KCTD8: variants seen among roughly 807,000 people sequenced by gnomAD.
The protein encoded by KCTD8 is potassium channel tetramerization domain containing 8.
In KCTD8, 27 loss-of-function variants were observed where a neutral mutation model predicts 31.5. That is an observed-to-expected ratio of 0.86 (90% CI 0.63 to 1.18). The LOEUF (loss-of-function observed/expected upper bound fraction) is 1.18. Ranked by LOEUF, KCTD8 falls within the 50% of genes most tolerant of loss-of-function variation. KCTD8 has a pLI of 0.00. For synonymous variants in KCTD8, 290 were observed against 280.0 expected, an observed-to-expected ratio of 1.04 and a Z score of -0.36; for missense variants, 658 against 647.7, an observed-to-expected ratio of 1.02 and a Z score of -0.17.
intron 1 of KCTD8, among the ~76,000 whole-genome samples, chr4:44,248,993 G>A (rs926114754): frequency 6.6e-6 from 1 of 151,690 alleles, no homozygotes; most frequent in Non-Finnish European, 1.5e-5. Context: ...TCTGGTCTCA[G>A]CTAAATAAAT....
chr4:44,431,636 C>T (rs545809012), intron 1 of KCTD8, among the ~76,000 whole-genome samples: 39 of 151,558 alleles, frequency 2.6e-4, no homozygotes, highest in Middle Eastern at 3.4e-3. Context: ...TTCTAGTCTC[C>T]TGTATCCAAT....
At chr4:44,244,692 A>G (rs79939537) in intron 1 of KCTD8, among the ~76,000 whole-genome samples, 3,516 of 152,146 alleles carry the variant, frequency 0.023, 150 homozygotes, top group African/African-American at 0.081. Context: ...CCTCATTCCA[A>G]AGGGGTCCTG....
At chr4:44,361,948 A>C (rs1286998725) in intron 1 of KCTD8, among the ~76,000 whole-genome samples, 1 of 152,154 alleles carries the variant, frequency 6.6e-6, no homozygotes, top group Non-Finnish European at 1.5e-5. Context: ...TAAAAATCTC[A>C]GAGCCCCACG....
intron 1 of KCTD8, among the ~76,000 whole-genome samples, chr4:44,204,400 T>C (rs900724036): frequency 6.6e-6 from 1 of 152,204 alleles, no homozygotes; most frequent in East Asian, 1.9e-4. Flanking sequence ...TAATCGGTTA[T>C]GTTATCTATA....
chr4:44,232,892 A>C (rs950320907), intron 1 of KCTD8, among the ~76,000 whole-genome samples: 7 of 152,080 alleles, frequency 4.6e-5, no homozygotes, highest in African/African-American at 1.7e-4. Flanking sequence ...GAAACAAACT[A>C]GTGAATAAGT....
chr4:44,413,497 T>C (rs1486640071), intron 1 of KCTD8, among the ~76,000 whole-genome samples: 1 of 152,174 alleles, frequency 6.6e-6, no homozygotes, highest in East Asian at 1.9e-4. Context: ...CAGTAGCCGC[T>C]AAGAGTTGAA....
At chr4:44,418,359 C>A (rs1272987331) in intron 1 of KCTD8, among the ~76,000 whole-genome samples, 1 of 152,086 alleles carries the variant, frequency 6.6e-6, no homozygotes, top group Non-Finnish European at 1.5e-5. Context: ...AAATAAGAAC[C>A]AGTGGAGGAA....
At chr4:44,200,549 G>A (rs2109338950) in intron 1 of KCTD8, among the ~76,000 whole-genome samples, 1 of 151,956 alleles carries the variant, frequency 6.6e-6, no homozygotes, top group Non-Finnish European at 1.5e-5. Context: ...AGAATTAAAA[G>A]CAAATACAGT....
At chr4:44,231,604 T>G (rs755166160) in intron 1 of KCTD8, among the ~76,000 whole-genome samples, 1 of 152,170 alleles carries the variant, frequency 6.6e-6, no homozygotes, top group South Asian at 2.1e-4. Flanking sequence ...AGTCTAAACA[T>G]TTTCAGCACT....
intron 1 of KCTD8, among the ~76,000 whole-genome samples, chr4:44,342,707 T>A (rs796112409): frequency 4.6e-5 from 7 of 152,374 alleles, no homozygotes; most frequent in African/African-American, 1.7e-4. Context: ...GTTTTCTACA[T>A]ACTGAAAATC....
At chr4:44,352,569 T>C (rs1429355768) in intron 1 of KCTD8, among the ~76,000 whole-genome samples, 1 of 145,538 alleles carries the variant, frequency 6.9e-6, no homozygotes, top group East Asian at 2.0e-4. Context: ...TTAAAATTAT[T>C]ATTTCTATTA....
At chr4:44,318,645 G>A (rs1292162751) in intron 1 of KCTD8, among the ~76,000 whole-genome samples, 2 of 152,158 alleles carry the variant, frequency 1.3e-5, no homozygotes, top group Admixed American at 6.5e-5. Context: ...GAAGAGGGCC[G>A]AGAACAGCAA....
At chr4:44,192,425 A>G (rs530392438) in intron 1 of KCTD8, among the ~76,000 whole-genome samples, 36 of 149,022 alleles carry the variant, frequency 2.4e-4, no homozygotes, top group South Asian at 6.4e-4. Flanking sequence ...TCCTGAGGGG[A>G]AAAAAAAAAT....
At chr4:44,365,460 G>A (rs377254847) in intron 1 of KCTD8, among the ~76,000 whole-genome samples, 1 of 151,984 alleles carries the variant, frequency 6.6e-6, no homozygotes. Context: ...AGATTCTTTA[G>A]CTATTTTAGA....
Position 44,188,973 on chromosome 4 carries a change from T to C in KCTD8, c.962-13723A>G, listed in dbSNP as rs1285695646. On this transcript the variant is annotated intron_variant, in intron 1 of 1. Coordinates refer to ENST00000360029, the MANE Select transcript of KCTD8 (RefSeq NM_198353.3). ...TATGGCAATTTGTCATAGTAGCCAATAGAAACAAATACAAGTGATTTAGTG... is the reference window on the plus strand; with the variant it reads ...TATGGCAATTTGTCATAGTAGCCAACAGAAACAAATACAAGTGATTTAGTG... Among the ~76,000 whole-genome samples, 16 of 152,292 alleles carry C rather than the reference T, an allele frequency of 1.1e-4. No individual in the cohort carries two copies. In the East Asian group the frequency reaches 2.1e-3, roughly 20 times the overall value.
At chr4:44,328,822 C>G (rs1194685476) in intron 1 of KCTD8, among the ~76,000 whole-genome samples, 1 of 151,808 alleles carries the variant, frequency 6.6e-6, no homozygotes, top group African/African-American at 2.4e-5. Context: ...TCTGGACTTT[C>G]TTTCATTATT....
intron 1 of KCTD8, among the ~76,000 whole-genome samples, chr4:44,316,687 A>G (rs1314948143): frequency 6.8e-6 from 1 of 148,130 alleles, no homozygotes; most frequent in African/African-American, 2.5e-5. Flanking sequence ...GTGGTGGCTC[A>G]TGCCTGTAAT....
intron 1 of KCTD8, among the ~76,000 whole-genome samples, chr4:44,220,611 T>C (rs1714779410): frequency 1.3e-5 from 2 of 152,196 alleles, no homozygotes; most frequent in Non-Finnish European, 2.9e-5. Context: ...AAGAGATGTA[T>C]CTTGCCACAT....
At chr4:44,423,248 T>C (rs552473388) in intron 1 of KCTD8, among the ~76,000 whole-genome samples, 6 of 152,216 alleles carry the variant, frequency 3.9e-5, no homozygotes, top group Non-Finnish European at 8.8e-5. Context: ...TGAGAAAGCC[T>C]GACCTAAATT....
Sources: gnomAD v4.1 joint callset for allele counts (sites outside exome capture counted in the v4.1 genomes callset) on GRCh38, gnomAD v4.1.1 for gene constraint, MANE v1.5 for transcripts, NCBI Gene and HGNC (gene_info 2026-07-23, HGNC 2026-07-21) for gene names.